SPECC1: variants seen among roughly 807,000 people sequenced by gnomAD.
The protein encoded by SPECC1 is cytospin-B.
In SPECC1, 62 loss-of-function variants were observed where a neutral mutation model predicts 104.1. The ratio of observed to expected loss-of-function variants is 0.60; its 90% CI spans 0.49 to 0.74. The LOEUF is 0.74. Among genes scored for constraint, SPECC1 ranks in the 30% least tolerant of loss-of-function variants. The pLI, the probability that SPECC1 is intolerant of heterozygous loss-of-function variation, is 0.00. For missense variants in SPECC1, 1,306 were observed against 1,310.5 expected, an observed-to-expected ratio of 1.00 and a Z score of 0.05; for synonymous variants, 513 against 501.6, an observed-to-expected ratio of 1.02 and a Z score of -0.30.
At chr17:20,239,916 C>G (rs563537277) in intron 7 of SPECC1, among the ~76,000 whole-genome samples, 5 of 115,586 alleles carry the variant, frequency 4.3e-5, no homozygotes, top group African/African-American at 1.6e-4. Flanking sequence ...TTTTTAAAGA[C>G]AGGGCCTCAC....
At chr17:20,132,672 A>T (rs933615628) in intron 3 of SPECC1, among the ~76,000 whole-genome samples, 4 of 151,452 alleles carry the variant, frequency 2.6e-5, no homozygotes, top group African/African-American at 9.7e-5. Flanking sequence ...TTTTTCAAGC[A>T]GTTGGTCCAT....
Position 20,232,325 on chromosome 17 carries a change from G to A in SPECC1, c.2271G>A (p.Glu757=), listed in dbSNP as rs1333615628. The part of the protein sequence containing the change: ...RTVKRKLLEE[E]EKNARLQKEL... ...TGAAGAGGAAACTGCTGGAGGAGGAGGAGAAGAATGCCCGGTTGCAGAAGG... is the reference window on the plus strand; with the variant it reads ...TGAAGAGGAAACTGCTGGAGGAGGAAGAGAAGAATGCCCGGTTGCAGAAGG... Residue 757 remains glutamate (E), a synonymous_variant, in exon 7 of 15, where the codon GAG becomes GAA. Coordinates refer to ENST00000395527, the MANE Select transcript of SPECC1 (RefSeq NM_001243439.2). 3 of 1,614,142 alleles carry A rather than the reference G, an allele frequency of 1.9e-6. No homozygotes were observed. The highest frequency in any genetic ancestry group is 1.1e-5 in the South Asian group (1 of 91,074).
chr17:20,256,903 TG>T (rs967098872), intron 10 of SPECC1, among the ~76,000 whole-genome samples: 1 of 152,210 alleles, frequency 6.6e-6, no homozygotes, highest in Non-Finnish European at 1.5e-5. Flanking sequence ...TTTCATTACC[TG>T]TTTTTTGACT....
intron 1 of SPECC1, among the ~76,000 whole-genome samples, chr17:20,080,490 C>T (rs2046926396): frequency 6.6e-6 from 1 of 152,094 alleles, no homozygotes; most frequent in South Asian, 2.1e-4. Context: ...AGTAACGGGC[C>T]TCCTTATAAC....
intron 1 of SPECC1, among the ~76,000 whole-genome samples, chr17:20,046,632 TGG>T (rs2045549444): frequency 6.6e-6 from 1 of 152,066 alleles, no homozygotes; most frequent in Admixed American, 6.5e-5. Flanking sequence ...GTGAGGTCCA[TGG>T]GGTCAAGGGG....
chr17:20,242,699 T>G (rs186559372), intron 7 of SPECC1, among the ~76,000 whole-genome samples: 1 of 152,288 alleles, frequency 6.6e-6, no homozygotes, highest in African/African-American at 2.4e-5. Flanking sequence ...TATAGAAAAT[T>G]TGAGAAATGC....
chr17:20,061,158 A>T (rs890285552), intron 1 of SPECC1, among the ~76,000 whole-genome samples: 17 of 152,152 alleles, frequency 1.1e-4, no homozygotes, highest in African/African-American at 3.9e-4. Context: ...TGCAACCTCC[A>T]TCTCCCAGGT....
chr17:20,111,949 G>A, intron 3 of SPECC1: 1 of 793,092 alleles, frequency 1.3e-6, no homozygotes, highest in Non-Finnish European at 2.3e-6. Context: ...CCACCAGTGT[G>A]TATAATGGCA....
At chr17:20,135,344 G>A (rs1267926066) in intron 3 of SPECC1, among the ~76,000 whole-genome samples, 3 of 152,164 alleles carry the variant, frequency 2.0e-5, no homozygotes, top group Admixed American at 6.5e-5. Flanking sequence ...TAGATGGGAC[G>A]TTTATCCTTA....
At chr17:20,113,401 G>A (rs1329892576) in intron 3 of SPECC1, among the ~76,000 whole-genome samples, 1 of 152,084 alleles carries the variant, frequency 6.6e-6, no homozygotes, top group African/African-American at 2.4e-5. Context: ...AATACTAGAT[G>A]CAGTATGGAT....
intron 3 of SPECC1, among the ~76,000 whole-genome samples, chr17:20,138,472 A>C (rs2030312635): frequency 6.6e-6 from 1 of 152,122 alleles, no homozygotes; most frequent in Admixed American, 6.5e-5. Flanking sequence ...GGCAATTGTA[A>C]TATCACACAG....
intron 1 of SPECC1, among the ~76,000 whole-genome samples, chr17:20,070,550 T>C (rs1477275307): frequency 1.3e-5 from 2 of 152,204 alleles, no homozygotes; most frequent in African/African-American, 2.4e-5. Flanking sequence ...ATATATTTTA[T>C]CTATATGACA....
intron 1 of SPECC1, among the ~76,000 whole-genome samples, chr17:20,076,210 A>T (rs2046753922): frequency 6.6e-6 from 1 of 152,180 alleles, no homozygotes. Flanking sequence ...TTACTATATT[A>T]TTCTTTTGAG....
At position 20,205,170 on chromosome 17, in the gene SPECC1, C is replaced by T; in HGVS notation, c.1121C>T (p.Thr374Ile). 1.2e-6 allele frequency: 2 copies of T among 1,614,084 alleles called. No individual in the cohort carries two copies. The highest frequency in any genetic ancestry group is 1.7e-6 in the Non-Finnish European group (2 of 1,180,016). The change falls in exon 4 of 15, where the codon ACA becomes ATA. Residue 374 changes from threonine to isoleucine, a missense_variant. This residue lies in a region of SPECC1 where 1,177 missense variants were observed against 1,139.9 expected (regional missense o/e 1.03). Coordinates refer to ENST00000395527, the MANE Select transcript of SPECC1 (RefSeq NM_001243439.2). Reference protein sequence around the residue: ...SVSELSLASLTEKIQKMEENH... With the variant: ...SVSELSLASLIEKIQKMEENH... The stretch of plus-strand genomic sequence containing the variant: ...AGTGAATTGTCCCTGGCTTCCCTCA[C>T]AGAGAAGATACAAAAGATGGAAGAA...
Position 20,257,571 on chromosome 17 carries a change from C to CT in SPECC1, c.2803dup (p.Ser935PhefsTer49). The CT allele has an allele frequency of 6.2e-7, 1 of 1,613,194 alleles. No individual in the cohort carries two copies. Among genetic ancestry groups the CT allele is most frequent in the Non-Finnish European group, 8.5e-7 (1 of 1,179,822 alleles). ...TTTGGGGACACAAGACTGCTGAGTGCTTCCACCCGGGCATGGAAACCACAA... is the reference window on the plus strand; with the variant it reads ...TTTGGGGACACAAGACTGCTGAGTGCTTTCCACCCGGGCATGGAAACCACAA... On this transcript the variant is annotated frameshift_variant, in exon 11 of 15. Transcript: ENST00000395527. LOFTEE classifies it high-confidence loss of function.
intron 1 of SPECC1, among the ~76,000 whole-genome samples, chr17:20,018,718 A>T (rs560982247): frequency 3.9e-5 from 6 of 152,228 alleles, no homozygotes; most frequent in Non-Finnish European, 8.8e-5. Context: ...CATGGGGCCA[A>T]GTCCAAAGGA....
chr17:20,260,890 C>T (rs2040002232), intron 12 of SPECC1, among the ~76,000 whole-genome samples: 2 of 152,034 alleles, frequency 1.3e-5, no homozygotes, highest in African/African-American at 4.8e-5. Context: ...TCATGGGCCA[C>T]CTAGTGTTCT....
intron 3 of SPECC1, among the ~76,000 whole-genome samples, chr17:20,138,400 T>C (rs1456127470): frequency 6.6e-6 from 1 of 152,120 alleles, no homozygotes; most frequent in East Asian, 1.9e-4. Flanking sequence ...TAGTTTAAGT[T>C]TGGGTTCACT....
intron 1 of SPECC1, among the ~76,000 whole-genome samples, chr17:20,092,305 A>G (rs1256005439): frequency 6.6e-6 from 1 of 151,426 alleles, no homozygotes; most frequent in Non-Finnish European, 1.5e-5. Context: ...AAATCATGAG[A>G]TTAATAATAG....
Sources: gnomAD v4.1 joint callset for allele counts (sites outside exome capture counted in the v4.1 genomes callset) on GRCh38, gnomAD v4.1.1 for gene constraint, gnomAD v4.1.1 regional missense constraint, MANE v1.5 for transcripts, NCBI Gene and HGNC (gene_info 2026-07-23, HGNC 2026-07-21) for gene names.